Variants in CALCR observed in about 807,000 individuals in gnomAD.
CALCR encodes the protein calcitonin receptor.
CALCR carries 47 observed loss-of-function variants against 59.5 expected under a neutral mutation model. That is an observed-to-expected ratio of 0.79 (90% CI 0.63 to 1.01). The LOEUF (loss-of-function observed/expected upper bound fraction) is 1.01. Among genes scored for constraint, CALCR ranks in the 50% least tolerant of loss-of-function variants. The probability of loss-of-function intolerance (pLI) is 0.00; values close to 1 mark genes in which losing one functional copy is unlikely to be tolerated. For missense variants in CALCR, 566 were observed against 597.1 expected, an observed-to-expected ratio of 0.95 and a Z score of 0.54; for synonymous variants, 213 against 211.3, an observed-to-expected ratio of 1.01 and a Z score of -0.07.
Position 93,479,369 on chromosome 7 carries a change from C to T in CALCR, c.190G>A (p.Ala64Thr), listed in dbSNP as rs201986692. 2.6e-5 allele frequency: 42 copies of T among 1,609,372 alleles called. No homozygotes were observed. Among genetic ancestry groups the T allele is most frequent in the African/African-American group, 8.0e-5 (6 of 74,776 alleles). ...KCYDRMQQLP[A>T]YQGEGPYCNR... ...TTCTCTTTACCTTCTCCTTGGTATG[C>T]GGGTAACTGCTGCATTCGGTCATAG... Residue 64 changes from alanine (A) to threonine (T), a missense_variant, in exon 4 of 14, where the codon GCA becomes ACA. Coordinates refer to ENST00000426151, the MANE Select transcript of CALCR (RefSeq NM_001742.4).
chr7:93,564,486 C>T (rs1210975271), intron 2 of CALCR, among the ~76,000 whole-genome samples: 1 of 152,024 alleles, frequency 6.6e-6, no homozygotes, highest in African/African-American at 2.4e-5. Context: ...GAGTTTTGCT[C>T]TTGTTGCCCA....
At chr7:93,446,875 T>C (rs550022695) in intron 8 of CALCR, among the ~76,000 whole-genome samples, 1 of 152,096 alleles carries the variant, frequency 6.6e-6, no homozygotes, top group South Asian at 2.1e-4. Flanking sequence ...TCAAATAATA[T>C]AAATGCATCA....
At chr7:93,448,840 T>C (rs554080290) in intron 8 of CALCR, among the ~76,000 whole-genome samples, 54 of 152,094 alleles carry the variant, frequency 3.6e-4, no homozygotes, top group Admixed American at 2.0e-3. Flanking sequence ...CAGGCTACTT[T>C]ACAGTAAAAG....
intron 2 of CALCR, among the ~76,000 whole-genome samples, chr7:93,517,693 T>C (rs914543468): frequency 2.0e-5 from 3 of 151,940 alleles, no homozygotes; most frequent in Non-Finnish European, 2.9e-5. Context: ...TGAACTTCTT[T>C]GTGTATAGTT....
At position 93,536,262 on chromosome 7, in the gene CALCR, C is replaced by T. The variant is rs112526186; in HGVS notation, c.-27+38027G>A. ...GCCCCTAGACAGACACACACTATTT[C>T]ATGGAAGTGAATGGCATACTTTGTC... On this transcript the variant is annotated intron_variant, in intron 2 of 13. Transcript: ENST00000426151. Among the ~76,000 whole-genome samples the T allele has an allele frequency of 7.3e-4, 111 of 151,824 alleles. 1 individual carries two copies. The highest frequency in any genetic ancestry group is 2.5e-3 in the African/African-American group (105 of 41,488).
rs1790075538 is a variant in CALCR at position 93,574,450 on chromosome 7, G to A, written c.-188C>T. 7.7e-6 allele frequency: 1 copy of A among 129,652 alleles called. No individual in the cohort carries two copies. Among genetic ancestry groups the A allele is most frequent in the Admixed American group, 7.4e-5 (1 of 13,532 alleles). 8.0% of individuals were successfully genotyped at this position (129,652 alleles called of 1,614,324 possible). The stretch of plus-strand genomic sequence containing the variant: ...GCGGACGTGCGCACTTCTCCAACCC[G>A]GGAAGGTCCGCCAGCCGCGCGGCGC... On this transcript the variant is annotated 5_prime_UTR_variant, in exon 2 of 14. Transcript: ENST00000426151.
intron 8 of CALCR, among the ~76,000 whole-genome samples, chr7:93,457,162 T>A (rs1308821260): frequency 6.6e-6 from 1 of 152,054 alleles, no homozygotes; most frequent in Admixed American, 6.6e-5. Context: ...GAGTAACAGA[T>A]TTGTTGGAAA....
In CALCR at chr7:93,487,020, A is replaced by C. The variant is rs565116359; in HGVS notation, c.-26-13T>G. ...AGATCTCTTTGTCCTAGAAAAATAT[A>C]AAAGCAACAAAGACTAAAATTAATA... On this transcript the variant is annotated splice_polypyrimidine_tract_variant and intron_variant, in intron 2 of 13. Coordinates refer to ENST00000426151, the MANE Select transcript of CALCR (RefSeq NM_001742.4). 4.3e-6 allele frequency: 6 copies of C among 1,405,590 alleles called. No individual in the cohort carries two copies. Among genetic ancestry groups the C allele is most frequent in the Admixed American group, 1.8e-5 (1 of 56,450 alleles). The allele number at this position is 1,405,590 out of a possible 1,614,324, so 87.1% of individuals were successfully genotyped here.
chr7:93,546,609 T>G (rs1789294674), intron 2 of CALCR, among the ~76,000 whole-genome samples: 3 of 151,594 alleles, frequency 2.0e-5, no homozygotes. Context: ...TGGAGTGCAG[T>G]GGTGGGATCA....
intron 7 of CALCR, among the ~76,000 whole-genome samples, chr7:93,467,276 G>C (rs1276237701): frequency 1.3e-5 from 2 of 151,288 alleles, no homozygotes; most frequent in African/African-American, 4.9e-5. Flanking sequence ...ATGTCTTTTT[G>C]CTTTATCAGT....
chr7:93,571,405 A>T (rs768952064), intron 2 of CALCR, among the ~76,000 whole-genome samples: 62 of 152,308 alleles, frequency 4.1e-4, no homozygotes, highest in Middle Eastern at 3.4e-3. Flanking sequence ...CATTTAAAAA[A>T]ATATAACACA....
Position 93,438,074 on chromosome 7 carries a change from T to A in CALCR, c.916A>T (p.Met306Leu), listed in dbSNP as rs1351284858. ...HLLYIIHGPVMAALVVNFFFL... is the reference protein window; with the variant it reads ...HLLYIIHGPVLAALVVNFFFL... Reference sequence around the variant, plus strand: ...CTAATTCTCACCACAAGTGCCGCCATGACAGGTCCATGGATTATGTAAAGC... The same window carrying A: ...CTAATTCTCACCACAAGTGCCGCCAAGACAGGTCCATGGATTATGTAAAGC... The change falls in exon 11 of 14, where the codon ATG becomes TTG. Residue 306 changes from methionine (M) to leucine (L), a missense_variant. Physicochemically the swap from Met to Leu is conservative, Grantham distance 15 (BLOSUM62 2). Transcript: ENST00000426151. 1 of 1,613,718 alleles carries A rather than the reference T, an allele frequency of 6.2e-7. No individual in the cohort carries two copies. The highest frequency in any genetic ancestry group is 8.5e-7 in the Non-Finnish European group (1 of 1,179,816).
chr7:93,441,634 T>C, intron 9 of CALCR: 1 of 425,296 alleles, frequency 2.4e-6, no homozygotes, highest in South Asian at 1.7e-5. Context: ...GGAGAACCTG[T>C]TACCTGATGT....
chr7:93,541,644 G>C (rs1202988113), intron 2 of CALCR, among the ~76,000 whole-genome samples: 1 of 152,038 alleles, frequency 6.6e-6, no homozygotes, highest in Non-Finnish European at 1.5e-5. Context: ...TGATTCTATG[G>C]GCTAGAGGAC....
At chr7:93,449,049 C>A (rs1018040622) in intron 8 of CALCR, among the ~76,000 whole-genome samples, 1 of 151,910 alleles carries the variant, frequency 6.6e-6, no homozygotes, top group East Asian at 1.9e-4. Flanking sequence ...AAAATTATTT[C>A]GAAATGGTCT....
At chr7:93,510,118 T>A (rs143859959) in intron 2 of CALCR, among the ~76,000 whole-genome samples, 62 of 152,336 alleles carry the variant, frequency 4.1e-4, no homozygotes, top group African/African-American at 1.5e-3. Flanking sequence ...GACATTTATT[T>A]ATTATTTCAT....
chr7:93,454,804 C>T (rs1389760032), intron 8 of CALCR, among the ~76,000 whole-genome samples: 1 of 151,698 alleles, frequency 6.6e-6, no homozygotes, highest in African/African-American at 2.4e-5. Context: ...CACCCTTGGC[C>T]ATTCAGGAGA....
chr7:93,525,427 C>T (rs923480016), intron 2 of CALCR, among the ~76,000 whole-genome samples: 3 of 152,088 alleles, frequency 2.0e-5, no homozygotes, highest in Non-Finnish European at 4.4e-5. Context: ...TTCAAACTAA[C>T]AGCATGAAAT....
chr7:93,477,342 C>T (rs1442207078), intron 5 of CALCR, among the ~76,000 whole-genome samples: 1 of 151,502 alleles, frequency 6.6e-6, no homozygotes, highest in Non-Finnish European at 1.5e-5. Flanking sequence ...AATTTAATAC[C>T]AACACATATA....
Sources: allele counts gnomAD v4.1 joint callset (sites outside exome capture counted in the v4.1 genomes callset), GRCh38; gene constraint gnomAD v4.1.1; transcripts MANE v1.5; gene names NCBI Gene and HGNC (gene_info 2026-07-23, HGNC 2026-07-21).